The following WDR72 variants were observed in gnomAD, a reference collection of about 807,000 sequenced individuals.
WDR72 encodes the protein WD repeat-containing protein 72.
In WDR72, 120 loss-of-function variants were observed where a neutral mutation model predicts 124.2. That is an observed-to-expected ratio of 0.97 (90% confidence interval 0.83 to 1.12). The LOEUF (loss-of-function observed/expected upper bound fraction) is 1.12. Ranked by LOEUF, WDR72 falls within the 50% of genes most tolerant of loss-of-function variation. The pLI, the probability that WDR72 is intolerant of heterozygous loss-of-function variation, is 0.00. For synonymous variants in WDR72, 452 were observed against 441.7 expected, an observed-to-expected ratio of 1.02 and a Z score of -0.29; for missense variants, 1,387 against 1,278.8, an observed-to-expected ratio of 1.08 and a Z score of -1.29.
At chr15:53,533,716 T>G (rs1384211394) in intron 18 of WDR72, among the ~76,000 whole-genome samples, 1 of 152,186 alleles carries the variant, frequency 6.6e-6, no homozygotes, top group African/African-American at 2.4e-5. Flanking sequence ...CACTGTCCCC[T>G]GGATATGCCA....
At chr15:53,724,821 T>G (rs566518866) in intron 2 of WDR72, among the ~76,000 whole-genome samples, 3 of 152,278 alleles carry the variant, frequency 2.0e-5, no homozygotes, top group Non-Finnish European at 4.4e-5. Context: ...TACTAGTTAA[T>G]TACAGCTCAT....
intron 18 of WDR72, among the ~76,000 whole-genome samples, chr15:53,529,835 A>C (rs1288677855): frequency 6.6e-6 from 1 of 152,006 alleles, no homozygotes; most frequent in Non-Finnish European, 1.5e-5. Context: ...AACTCTCAGA[A>C]TCTGAAACAG....
At chr15:53,600,193 C>T (rs1217013992) in intron 17 of WDR72, among the ~76,000 whole-genome samples, 1 of 152,106 alleles carries the variant, frequency 6.6e-6, no homozygotes, top group Non-Finnish European at 1.5e-5. Context: ...CAAAAATAAA[C>T]TGTGGGAAGT....
chr15:53,692,176 A>G (rs561107880), intron 13 of WDR72, among the ~76,000 whole-genome samples: 22 of 152,242 alleles, frequency 1.4e-4, no homozygotes, highest in Non-Finnish European at 2.5e-4. Flanking sequence ...ACACTTTAGT[A>G]TATTCCATAT....
rs572920881 is a variant in WDR72, at chr15:53,525,193, G to T, written c.3149-1871C>A. Reference sequence around the variant, plus strand: ...TAGATTTTTTGTGAAATGTTTAAGTGGTATAGTTAAATGTATCAGTTTCAT... The same window carrying T: ...TAGATTTTTTGTGAAATGTTTAAGTTGTATAGTTAAATGTATCAGTTTCAT... On this transcript the variant is annotated intron_variant, in intron 18 of 19. Coordinates refer to ENST00000360509, the MANE Select transcript of WDR72 (RefSeq NM_182758.4). 2.0e-5 allele frequency among the ~76,000 whole-genome samples: 3 copies of T among 152,024 alleles called. No individual in the cohort carries two copies. The South Asian group carries it at 6.2e-4, about 32-fold the overall frequency.
rs200956061 is a variant in WDR72 at position 53,705,471 on chromosome 15, T to A, written c.1103-238A>T. On this transcript the variant is annotated intron_variant, in intron 10 of 19. Transcript: ENST00000360509. Reference sequence around the variant, plus strand: ...GTGTGTGTTTTTAATTAAAAAAAAATTTTTTTTTTGAGACCAAGTCTCACT... The same window carrying A: ...GTGTGTGTTTTTAATTAAAAAAAAAATTTTTTTTTGAGACCAAGTCTCACT... Among the ~76,000 whole-genome samples, 11 of 98,494 alleles carry A rather than the reference T, an allele frequency of 1.1e-4. No homozygotes were observed. The South Asian group carries it at 1.2e-3, about 10-fold the overall frequency. The allele number at this position is 98,494 out of a possible 152,430, so 64.6% of individuals were successfully genotyped here.
intron 18 of WDR72, among the ~76,000 whole-genome samples, chr15:53,588,958 G>A (rs1391664256): frequency 6.6e-6 from 1 of 151,940 alleles, no homozygotes; most frequent in South Asian, 2.1e-4. Flanking sequence ...AGTCCATAGG[G>A]AGGTGATGAG....
At chr15:53,646,750 C>T (rs1394168711) in intron 14 of WDR72, among the ~76,000 whole-genome samples, 2 of 151,954 alleles carry the variant, frequency 1.3e-5, no homozygotes, top group East Asian at 3.9e-4. Context: ...AATATCCTCT[C>T]TAGGAACTGA....
At chr15:53,640,209 C>T (rs1010878870) in intron 14 of WDR72, among the ~76,000 whole-genome samples, 2 of 152,098 alleles carry the variant, frequency 1.3e-5, no homozygotes, top group Admixed American at 1.3e-4. Flanking sequence ...GAAACTGTCG[C>T]CTAAGTGAAA....
rs2140612982 is a variant in WDR72, at chr15:53,733,059, T to C, written c.91A>G (p.Thr31Ala). ...CCCTCTTGACTTCCAGTCACAATCGTTCGCTGGTCATCAGTGATCATGATG... is the reference window on the plus strand; with the variant it reads ...CCCTCTTGACTTCCAGTCACAATCGCTCGCTGGTCATCAGTGATCATGATG... ...TAIMITDDQR[T>A]IVTGSQEGQL... Residue 31 changes from threonine to alanine, a missense_variant, in exon 2 of 20, where the codon ACG becomes GCG. Transcript: ENST00000360509. 1 of 1,614,084 alleles carries C rather than the reference T, an allele frequency of 6.2e-7. No individual in the cohort carries two copies. Among genetic ancestry groups the C allele is most frequent in the East Asian group, 2.2e-5 (1 of 44,878 alleles).
At chr15:53,720,919 C>A (rs1232183938) in intron 3 of WDR72, among the ~76,000 whole-genome samples, 1 of 152,126 alleles carries the variant, frequency 6.6e-6, no homozygotes, top group African/African-American at 2.4e-5. Flanking sequence ...CCCCTCTGGT[C>A]ACCATAAAGG....
At chr15:53,536,839 A>G (rs1892789170) in intron 18 of WDR72, among the ~76,000 whole-genome samples, 1 of 152,198 alleles carries the variant, frequency 6.6e-6, no homozygotes, top group Non-Finnish European at 1.5e-5. Flanking sequence ...GACCGTAAAA[A>G]GTAGGATTAA....
intron 13 of WDR72, among the ~76,000 whole-genome samples, chr15:53,678,477 G>A (rs544893288): frequency 7.9e-5 from 12 of 151,956 alleles, no homozygotes; most frequent in African/African-American, 1.9e-4. Context: ...TTCTTTTCCC[G>A]GAGCATTCTA....
intron 18 of WDR72, among the ~76,000 whole-genome samples, chr15:53,540,510 G>A (rs1893032899): frequency 7.1e-6 from 1 of 140,508 alleles, no homozygotes; most frequent in South Asian, 2.4e-4. Context: ...ATACAAAACT[G>A]TAGAACTTAA....
chr15:53,749,070 T>A (rs2018711297), intron 1 of WDR72, among the ~76,000 whole-genome samples: 1 of 152,060 alleles, frequency 6.6e-6, no homozygotes, highest in South Asian at 2.1e-4. Flanking sequence ...TGCAAGAGTG[T>A]CCAGGGAGGG....
intron 9 of WDR72, among the ~76,000 whole-genome samples, chr15:53,706,354 A>G (rs111755582): frequency 0.15 from 4,623 of 30,570 alleles, 241 homozygotes; most frequent in South Asian, 0.23. Flanking sequence ...GTGTGTGTAT[A>G]TATATATATA....
At chr15:53,751,050 T>C (rs1418069262) in intron 1 of WDR72, among the ~76,000 whole-genome samples, 1 of 152,150 alleles carries the variant, frequency 6.6e-6, no homozygotes, top group South Asian at 2.1e-4. Context: ...TTGACTCCAA[T>C]TTTGGAAAAA....
At position 53,596,771 on chromosome 15, in the gene WDR72, A is replaced by G. The variant is rs72745168; in HGVS notation, c.3148+308T>C. Among the ~76,000 whole-genome samples the G allele has an allele frequency of 2.5e-3, 380 of 152,288 alleles. 1 individual carries two copies. The highest frequency in any genetic ancestry group is 4.4e-3 in the Non-Finnish European group (300 of 68,012). ...AAATTGATAGCAGAATAGGTCAGAA[A>G]CAGGGCACTTGGCTCAGCTCTTGAA... On this transcript the variant is annotated intron_variant, in intron 18 of 19. Coordinates refer to ENST00000360509, the MANE Select transcript of WDR72 (RefSeq NM_182758.4).
intron 13 of WDR72, among the ~76,000 whole-genome samples, chr15:53,671,317 T>G (rs1251504007): frequency 1.3e-5 from 2 of 152,216 alleles, no homozygotes; most frequent in Non-Finnish European, 2.9e-5. Context: ...AGGTATTAGC[T>G]TAAAATCTCA....
Sources: allele counts gnomAD v4.1 joint callset (sites outside exome capture counted in the v4.1 genomes callset), GRCh38; gene constraint gnomAD v4.1.1; transcripts MANE v1.5; gene names NCBI Gene and HGNC (gene_info 2026-07-23, HGNC 2026-07-21).